DRICH1: variants seen among roughly 807,000 people sequenced by gnomAD.
The protein encoded by DRICH1 is aspartate rich 1, also known as aspartate-rich protein 1.
DRICH1 carries 38 observed loss-of-function variants against 39.5 expected under a neutral mutation model. The observed-to-expected ratio is 0.96, with a 90% confidence interval of 0.74 to 1.26. The LOEUF (loss-of-function observed/expected upper bound fraction) is 1.26. Among genes scored for constraint, DRICH1 ranks in the 50% most tolerant of loss-of-function variants. DRICH1 has a pLI of 0.00. For missense variants in DRICH1, 279 were observed against 270.4 expected, an observed-to-expected ratio of 1.03 and a Z score of -0.22; for synonymous variants, 84 against 99.5, an observed-to-expected ratio of 0.84 and a Z score of 0.93.
the DRICH1 span, among the ~76,000 whole-genome samples, chr22:23,599,541 G>T: frequency 6.6e-6 from 1 of 152,324 alleles, no homozygotes; most frequent in East Asian, 1.9e-4. Flanking sequence ...GGCAGGGCAC[G>T]TGGTATGGCA....
the DRICH1 span, among the ~76,000 whole-genome samples, chr22:23,582,555 CTTATTA>C: frequency 5.2e-4 from 75 of 143,880 alleles, 2 homozygotes; most frequent in African/African-American, 1.8e-3. Flanking sequence ...CCTTCAGGGG[CTTATTA>C]TTATTATTAT....
chr22:23,631,823 C>T lies in DRICH1; in HGVS notation c.201G>A (p.Met67Ile). The T allele has an allele frequency of 1.2e-6, 2 of 1,612,026 alleles. No homozygotes were observed. Among genetic ancestry groups the T allele is most frequent in the African/African-American group, 1.3e-5 (1 of 74,962 alleles). The change falls in exon 1 of 12, where the codon ATG (methionine) becomes ATA (isoleucine). Residue 67 changes from methionine (M) to isoleucine (I), a missense_variant. Physicochemically the swap from Met to Ile is conservative, Grantham distance 10. Coordinates refer to ENST00000317749, the MANE Select transcript of DRICH1 (RefSeq NM_016449.4). ...QDLQHISNQK[M>I]PTGPPEDRLS... ...CACCCGTGGCTTTTTTACCTGTGGG[C>T]ATCTTTTGGTTGCTGATGTGCTGCA...
At chr22:23,593,262 G>T in the DRICH1 span, among the ~76,000 whole-genome samples, 1 of 152,132 alleles carries the variant, frequency 6.6e-6, no homozygotes, top group Non-Finnish European at 1.5e-5. Flanking sequence ...TAACTAAATT[G>T]AAAAATTCAG....
chr22:23,619,333 AC>A lies in DRICH1; in HGVS notation c.436+30del, dbSNP rs762455050. 9.4e-5 allele frequency: 73 copies of A among 780,532 alleles called. No individual in the cohort carries two copies. In the East Asian group the frequency reaches 1.7e-3, roughly 19 times the overall value. 48.4% of individuals were successfully genotyped at this position (780,532 alleles called of 1,614,324 possible). On this transcript the variant is annotated intron_variant, in intron 6 of 11. Coordinates refer to ENST00000317749, the MANE Select transcript of DRICH1 (RefSeq NM_016449.4). ...TAGGAAGACTCAGCATGACTAACAC[AC>A]AATACTACACACATGATCTACAGAC...
rs947803438 is a variant in DRICH1, at chr22:23,631,742, G to C, written c.208+74C>G. 3.3e-6 allele frequency: 4 copies of C among 1,209,374 alleles called. No individual in the cohort carries two copies. The African/African-American group carries it at 4.5e-5, about 14-fold the overall frequency. The allele number at this position is 1,209,374 out of a possible 1,614,324, so 74.9% of individuals were successfully genotyped here. A position where few individuals can be genotyped will look rare whatever the true frequency, so the allele number is the denominator to read the frequency against. On this transcript the variant is annotated intron_variant, in intron 1 of 11. Coordinates refer to ENST00000317749, the MANE Select transcript of DRICH1 (RefSeq NM_016449.4). ...GCTGGAAGCTGAGGATGTCTCTGGG[G>C]ATGAGGGTAAGGGAAGGGGGTGGGG... is the stretch of plus-strand genomic sequence containing the variant.
At chr22:23,586,097 G>A in the DRICH1 span, among the ~76,000 whole-genome samples, 1 of 152,182 alleles carries the variant, frequency 6.6e-6, no homozygotes, top group Non-Finnish European at 1.5e-5. Context: ...CTGCTGAGAA[G>A]GAATCATCTC....
chr22:23,594,183 A>G, the DRICH1 span, among the ~76,000 whole-genome samples: 1 of 152,190 alleles, frequency 6.6e-6, no homozygotes, highest in Non-Finnish European at 1.5e-5. Context: ...AATGAACTCC[A>G]AGAGAATTAA....
At chr22:23,621,699 C>A (rs146976376) in intron 4 of DRICH1, among the ~76,000 whole-genome samples, 10 of 152,006 alleles carry the variant, frequency 6.6e-5, no homozygotes, top group Non-Finnish European at 1.5e-5. Flanking sequence ...GGATTACCTG[C>A]GGTCAGGAGT....
upstream of DRICH1, chr22:23,632,811 G>T (rs1193552003): frequency 6.6e-6 from 1 of 151,910 alleles, no homozygotes; most frequent in Non-Finnish European, 1.5e-5. Context: ...TACTCAGGAG[G>T]CTGAGGCAGG....
chr22:23,587,379 G>C, the DRICH1 span, among the ~76,000 whole-genome samples: 2 of 152,170 alleles, frequency 1.3e-5, no homozygotes, highest in African/African-American at 4.8e-5. Context: ...CATTTCTGTG[G>C]GTTTCTCCCT....
intron 2 of DRICH1, among the ~76,000 whole-genome samples, chr22:23,625,558 C>T (rs879020618): frequency 2.0e-5 from 3 of 152,124 alleles, no homozygotes; most frequent in Non-Finnish European, 2.9e-5. Context: ...CAAAATAGCT[C>T]GCTTTGTCTG....
chr22:23,585,690 C>A, the DRICH1 span, among the ~76,000 whole-genome samples: 1 of 152,042 alleles, frequency 6.6e-6, no homozygotes, highest in African/African-American at 2.4e-5. Flanking sequence ...GCTACTTTCT[C>A]TTTTATTTTT....
chr22:23,624,209 A>G (rs1927928642), intron 3 of DRICH1: 1 of 985,340 alleles, frequency 1.0e-6, no homozygotes. Flanking sequence ...ACCGCAGAAG[A>G]ATTCTGTCTC....
the DRICH1 span, among the ~76,000 whole-genome samples, chr22:23,591,198 T>C: frequency 3.3e-5 from 5 of 152,116 alleles, no homozygotes; most frequent in Admixed American, 6.5e-5. Context: ...GCCTGCGGAA[T>C]GGTTGAGGCA....
chr22:23,620,859 G>A (rs1398851742), intron 4 of DRICH1, among the ~76,000 whole-genome samples: 3 of 152,176 alleles, frequency 2.0e-5, no homozygotes, highest in Non-Finnish European at 2.9e-5. Flanking sequence ...ATTGGTAAAT[G>A]CACAATGCCT....
the DRICH1 span, among the ~76,000 whole-genome samples, chr22:23,601,952 A>T: frequency 6.6e-6 from 1 of 151,800 alleles, no homozygotes; most frequent in Non-Finnish European, 1.5e-5. Flanking sequence ...CTGTAATCCC[A>T]GCACTGTGGG....
chr22:23,616,817 T>C (rs1468844647), intron 8 of DRICH1, 36 bp downstream of exon 8: 1 of 1,613,256 alleles, frequency 6.2e-7, no homozygotes, highest in African/African-American at 1.3e-5. Context: ...CCAGCAAGTT[T>C]GTTTCTCAGA....
the DRICH1 span, among the ~76,000 whole-genome samples, chr22:23,584,865 T>G: frequency 6.6e-6 from 1 of 152,110 alleles, no homozygotes; most frequent in African/African-American, 2.4e-5. Flanking sequence ...GGTGCAATCA[T>G]AGCTCACTGC....
At chr22:23,600,919 A>T in the DRICH1 span, among the ~76,000 whole-genome samples, 2 of 151,790 alleles carry the variant, frequency 1.3e-5, no homozygotes, top group African/African-American at 4.8e-5. Flanking sequence ...TGATCGACCC[A>T]CCTCGGCCTC....
Sources: allele counts gnomAD v4.1 joint callset (sites outside exome capture counted in the v4.1 genomes callset), GRCh38; gene constraint gnomAD v4.1.1; transcripts MANE v1.5; gene names NCBI Gene and HGNC (gene_info 2026-07-23, HGNC 2026-07-21).